Variants in ABHD18 observed in about 807,000 individuals in gnomAD.
ABHD18 encodes cardiolipin-specific deacylase, mitochondrial.
A neutral mutation model predicts 65.9 loss-of-function variants in ABHD18; 55 were observed. The ratio of observed to expected loss-of-function variants is 0.84; its 90% CI spans 0.67 to 1.05. The LOEUF is 1.05. ABHD18 is among the 50% of genes least tolerant of loss of function. The pLI is 0.00. For missense variants in ABHD18, 533 were observed against 558.5 expected (o/e 0.95, Z 0.46); for synonymous variants, 181 against 180.2 (o/e 1.00, Z -0.04).
chr4:128,012,110 G>A (rs765651963), intron 7 of ABHD18, among the ~76,000 whole-genome samples: 14 of 151,802 alleles, frequency 9.2e-5, no homozygotes, highest in Non-Finnish European at 1.9e-4. Context: ...CCAAGTAGCT[G>A]GAATTACAGG....
chr4:128,002,460 A>G (rs1411791882), intron 4 of ABHD18, among the ~76,000 whole-genome samples: 1 of 151,578 alleles, frequency 6.6e-6, no homozygotes, highest in Non-Finnish European at 1.5e-5. Context: ...TTGTATTTTT[A>G]GTAGAGACGG....
chr4:128,032,553 G>A (rs113218156), intron 12 of ABHD18, among the ~76,000 whole-genome samples: 14 of 151,752 alleles, frequency 9.2e-5, no homozygotes, highest in African/African-American at 3.1e-4. Context: ...GGCGTGGTGG[G>A]CACGCACCTA....
At chr4:128,009,286 C>T in intron 6 of ABHD18, 95 bp downstream of exon 6, 3 of 743,578 alleles carry the variant, frequency 4.0e-6, no homozygotes, top group Non-Finnish European at 5.8e-6. Context: ...GTTTTCTAAA[C>T]CAGTTAAATT....
intron 10 of ABHD18, among the ~76,000 whole-genome samples, chr4:128,023,264 T>TATAAAGC (rs1374828307): frequency 6.6e-6 from 1 of 151,832 alleles, no homozygotes; most frequent in Admixed American, 6.6e-5. Flanking sequence ...AAGAACTTTA[T>TATAAAGC]TACAAAATAG....
At chr4:127,982,857 G>T in intron 1 of ABHD18, 82 bp from the exon 2 acceptor site, 2 of 672,502 alleles carry the variant, frequency 3.0e-6, no homozygotes, top group East Asian at 3.0e-5. Context: ...TTACATGATA[G>T]TCAAAGAAAT....
chr4:127,973,368 G>T (rs192534570), intron 1 of ABHD18, among the ~76,000 whole-genome samples: 1 of 152,154 alleles, frequency 6.6e-6, no homozygotes. Context: ...ATTCAAGTCT[G>T]TGGAGTTTGG....
At position 128,008,991 on chromosome 4, in the gene ABHD18, G is replaced by C. The variant is rs567962998; in HGVS notation, c.350G>C (p.Gly117Ala). The part of the protein sequence containing the change: ...RPVCIHLAGT[G>A]DHHYWRRRTL... ...GTATGCATTCATCTTGCTGGAACAG[G>C]AGATCATGTAAGACTTTATTATAAT... Residue 117 changes from glycine to alanine, a missense_variant, in exon 5 of 13, where the codon GGA (glycine) becomes GCA (alanine). Physicochemically the swap from Gly to Ala is moderately conservative, Grantham distance 60. Transcript: ENST00000645843. The C allele has an allele frequency of 5.6e-6, 9 of 1,610,126 alleles. No individual in the cohort carries two copies. The South Asian group carries it at 1.0e-4, about 18-fold the overall frequency.
intron 1 of ABHD18, among the ~76,000 whole-genome samples, chr4:127,967,850 G>A (rs1377951893): frequency 6.6e-6 from 1 of 151,874 alleles, no homozygotes. Flanking sequence ...ATTATTTCCC[G>A]AATGTTTCAC....
intron 12 of ABHD18, chr4:128,030,918 C>T (rs1758117403): frequency 8.6e-7 from 1 of 1,167,364 alleles, no homozygotes; most frequent in Non-Finnish European, 1.1e-6. Flanking sequence ...GCTTTCCCCT[C>T]TTCAAATATT....
At chr4:128,023,622 T>TG (rs2149174643) in intron 10 of ABHD18, among the ~76,000 whole-genome samples, 1 of 150,606 alleles carries the variant, frequency 6.6e-6, no homozygotes, top group African/African-American at 2.4e-5. Flanking sequence ...TGGCTCACCC[T>TG]GTAATCCCAG....
intron 3 of ABHD18, among the ~76,000 whole-genome samples, chr4:127,987,490 A>G (rs1203917733): frequency 6.6e-6 from 1 of 152,114 alleles, no homozygotes; most frequent in Non-Finnish European, 1.5e-5. Flanking sequence ...AGCATGGATC[A>G]CTTGAGGTCA....
chr4:127,976,902 G>A (rs1484359486), intron 1 of ABHD18, among the ~76,000 whole-genome samples: 3 of 152,076 alleles, frequency 2.0e-5, no homozygotes, highest in South Asian at 2.1e-4. Flanking sequence ...TTAGCTGGCC[G>A]TGGTGGCGGG....
Position 128,035,942 on chromosome 4 carries a change from A to G in ABHD18, c.*129A>G. ...TCGCTATCAATTTGGTCTGGAATTC[A>G]TTGTTACACATCAGTTAACTATAAA... On this transcript the variant is annotated 3_prime_UTR_variant, in exon 13 of 13. Coordinates refer to ENST00000645843, the MANE Select transcript of ABHD18 (RefSeq NM_001358451.3). 1 of 476,978 alleles carries G rather than the reference A, an allele frequency of 2.1e-6. No homozygotes were observed. Among genetic ancestry groups the G allele is most frequent in the Non-Finnish European group, 3.7e-6 (1 of 269,094 alleles). 29.5% of individuals were successfully genotyped at this position (476,978 alleles called of 1,614,324 possible).
At chr4:128,025,259 T>TCCTGAGTA (rs894686767) in intron 10 of ABHD18, among the ~76,000 whole-genome samples, 2 of 152,150 alleles carry the variant, frequency 1.3e-5, no homozygotes, top group African/African-American at 4.8e-5. Flanking sequence ...TACCTCAGCC[T>TCCTGAGTA]CCTGAGTAGC....
intron 1 of ABHD18, among the ~76,000 whole-genome samples, chr4:127,975,778 C>T (rs998103436): frequency 6.6e-6 from 1 of 151,790 alleles, no homozygotes; most frequent in African/African-American, 2.4e-5. Context: ...TATTTATGCC[C>T]ATTTTATAGG....
At chr4:127,981,507 AAAT>A (rs1464796594) in intron 1 of ABHD18, among the ~76,000 whole-genome samples, 1 of 152,212 alleles carries the variant, frequency 6.6e-6, no homozygotes, top group African/African-American at 2.4e-5. Flanking sequence ...ACAGGGCCTA[AAAT>A]AATGATTGGA....
intron 4 of ABHD18, among the ~76,000 whole-genome samples, chr4:127,995,191 T>G (rs750761089): frequency 1.3e-5 from 2 of 152,262 alleles, no homozygotes; most frequent in Non-Finnish European, 2.9e-5. Context: ...GGCACTCATT[T>G]TAAATTATGC....
chr4:128,004,250 G>C (rs1022409137), intron 4 of ABHD18, among the ~76,000 whole-genome samples: 6 of 151,750 alleles, frequency 4.0e-5, no homozygotes, highest in Non-Finnish European at 7.4e-5. Context: ...TCAGGGGTTC[G>C]AGACCAGCCT....
At chr4:127,971,296 T>A (rs182646950) in intron 1 of ABHD18, among the ~76,000 whole-genome samples, 3 of 150,360 alleles carry the variant, frequency 2.0e-5, no homozygotes, top group Admixed American at 2.0e-4. Context: ...TGCATTCCAA[T>A]GACATGCCAC....
Sources: gnomAD v4.1 joint callset for allele counts (sites outside exome capture counted in the v4.1 genomes callset) on GRCh38, gnomAD v4.1.1 for gene constraint, MANE v1.5 for transcripts, NCBI Gene and HGNC (gene_info 2026-07-23, HGNC 2026-07-21) for gene names.